LRRC4C: variants seen among roughly 807,000 people sequenced by gnomAD.
LRRC4C encodes leucine rich repeat containing 4C.
A neutral mutation model predicts 33.6 loss-of-function variants in LRRC4C; 5 were observed. The observed-to-expected ratio is 0.15, with a 90% CI of 0.08 to 0.31. The LOEUF is 0.31. Ranked by LOEUF, LRRC4C falls within the 10% of genes least tolerant of loss-of-function variation. The pLI is 1.00. For missense variants in LRRC4C, 560 were observed against 796.7 expected, an observed-to-expected ratio of 0.70 and a Z score of 3.58; for synonymous variants, 329 against 302.0, an observed-to-expected ratio of 1.09 and a Z score of -0.93.
At chr11:40,434,044 T>C (rs1287663640) in intron 3 of LRRC4C, among the ~76,000 whole-genome samples, 1 of 152,168 alleles carries the variant, frequency 6.6e-6, no homozygotes, top group African/African-American at 2.4e-5. Flanking sequence ...TTTTCTTCTT[T>C]TCTTATTTTT....
rs183404465 is a variant in LRRC4C at position 40,884,374 on chromosome 11, A to G, written c.-407+49261T>C. 3.3e-5 allele frequency among the ~76,000 whole-genome samples: 5 copies of G among 152,208 alleles called. No homozygotes were observed. The East Asian group carries it at 9.6e-4, about 29-fold the overall frequency. On this transcript the variant is annotated intron_variant, in intron 2 of 6. Transcript: ENST00000528697. ...TTGTAAATAGTGCTGCAATAAACAT[A>G]TGTGTGCATGTTTATTTGTAGTAGA...
intron 2 of LRRC4C, among the ~76,000 whole-genome samples, chr11:40,781,577 T>C (rs1028745834): frequency 6.6e-6 from 1 of 152,216 alleles, no homozygotes; most frequent in South Asian, 2.1e-4. Flanking sequence ...GTTGGCATAA[T>C]AGTTCCTTTA....
At chr11:41,125,949 C>T (rs1215779804) in intron 1 of LRRC4C, among the ~76,000 whole-genome samples, 2 of 151,796 alleles carry the variant, frequency 1.3e-5, no homozygotes, top group Admixed American at 1.3e-4. Flanking sequence ...CTTTTGTGAG[C>T]TATGTAATGG....
At chr11:40,776,945 A>G (rs1950024650) in intron 2 of LRRC4C, among the ~76,000 whole-genome samples, 1 of 152,142 alleles carries the variant, frequency 6.6e-6, no homozygotes, top group African/African-American at 2.4e-5. Flanking sequence ...CACTTATTTC[A>G]AAGAATTTTT....
intron 1 of LRRC4C, among the ~76,000 whole-genome samples, chr11:41,293,519 A>C (rs1950048855): frequency 6.6e-6 from 1 of 152,114 alleles, no homozygotes; most frequent in African/African-American, 2.4e-5. Context: ...CACTTTTTAC[A>C]ATGAGCATGT....
At chr11:40,653,806 C>T (rs1194520601) in intron 2 of LRRC4C, among the ~76,000 whole-genome samples, 2 of 152,184 alleles carry the variant, frequency 1.3e-5, no homozygotes, top group Non-Finnish European at 2.9e-5. Flanking sequence ...CAGAGGTCTT[C>T]ATGGCAGCCC....
intron 1 of LRRC4C, among the ~76,000 whole-genome samples, chr11:41,404,562 ACC>A (rs3979286): frequency 0.48 from 62,640 of 130,760 alleles, 14,192 homozygotes; most frequent in East Asian, 0.56. Flanking sequence ...ACACACACAC[ACC>A]CCCCGAGGTT....
chr11:40,574,142 G>A (rs1213162058), intron 3 of LRRC4C, among the ~76,000 whole-genome samples: 1 of 152,162 alleles, frequency 6.6e-6, no homozygotes, highest in African/African-American at 2.4e-5. Flanking sequence ...CTAGAGAAAT[G>A]TATTTCAATT....
chr11:40,231,672 T>C (rs975167149), intron 5 of LRRC4C, among the ~76,000 whole-genome samples: 2 of 152,134 alleles, frequency 1.3e-5, no homozygotes, highest in Non-Finnish European at 1.5e-5. Flanking sequence ...TATAAACAGG[T>C]TTATAGATGT....
intron 3 of LRRC4C, among the ~76,000 whole-genome samples, chr11:40,517,223 G>A (rs772105596): frequency 7.2e-5 from 11 of 152,086 alleles, no homozygotes; most frequent in Non-Finnish European, 1.3e-4. Context: ...TGTGAAATAC[G>A]GAATAACATA....
At chr11:40,138,629 C>T (rs1219471495) in intron 6 of LRRC4C, among the ~76,000 whole-genome samples, 1 of 152,206 alleles carries the variant, frequency 6.6e-6, no homozygotes, top group Non-Finnish European at 1.5e-5. Flanking sequence ...ATTCATTTTC[C>T]TTCCACATGC....
At chr11:40,258,547 C>T (rs141776619) in intron 4 of LRRC4C, among the ~76,000 whole-genome samples, 92 of 152,256 alleles carry the variant, frequency 6.0e-4, no homozygotes, top group Non-Finnish European at 1.0e-3. Context: ...TAGCAAAATG[C>T]TCCTTATAGA....
At chr11:40,835,438 C>T (rs1952626869) in intron 2 of LRRC4C, among the ~76,000 whole-genome samples, 2 of 152,174 alleles carry the variant, frequency 1.3e-5, no homozygotes, top group Non-Finnish European at 2.9e-5. Context: ...GTGGTCCATA[C>T]TCCTTTGATT....
At chr11:41,297,778 C>T (rs1950182801) in intron 1 of LRRC4C, among the ~76,000 whole-genome samples, 1 of 151,996 alleles carries the variant, frequency 6.6e-6, no homozygotes, top group African/African-American at 2.4e-5. Flanking sequence ...GTTAAGGATC[C>T]TTTTCAATAT....
intron 1 of LRRC4C, among the ~76,000 whole-genome samples, chr11:41,400,679 T>C (rs1403364452): frequency 1.3e-5 from 2 of 151,852 alleles, no homozygotes; most frequent in African/African-American, 4.8e-5. Context: ...ATACACAACA[T>C]AGAACATTCT....
intron 1 of LRRC4C, among the ~76,000 whole-genome samples, chr11:41,195,831 C>G (rs1375324968): frequency 6.6e-6 from 1 of 151,860 alleles, no homozygotes; most frequent in East Asian, 1.9e-4. Context: ...AGCATATACA[C>G]AAAATTGGAG....
intron 1 of LRRC4C, among the ~76,000 whole-genome samples, chr11:40,965,696 T>A (rs1401230015): frequency 6.6e-6 from 1 of 152,094 alleles, no homozygotes; most frequent in Non-Finnish European, 1.5e-5. Context: ...TGGCATTATT[T>A]ATGAGGGTTC....
At chr11:40,479,528 T>C (rs1169586360) in intron 3 of LRRC4C, among the ~76,000 whole-genome samples, 3 of 152,086 alleles carry the variant, frequency 2.0e-5, no homozygotes, top group East Asian at 1.9e-4. Flanking sequence ...ATTCAGATGG[T>C]ATATATGTGT....
chr11:40,367,353 T>C (rs1243141038), intron 3 of LRRC4C, among the ~76,000 whole-genome samples: 3 of 152,120 alleles, frequency 2.0e-5, no homozygotes, highest in African/African-American at 7.2e-5. Flanking sequence ...GTCTGAGGCA[T>C]TTGATGGAAA....
Sources: allele counts gnomAD v4.1 joint callset (sites outside exome capture counted in the v4.1 genomes callset), GRCh38; gene constraint gnomAD v4.1.1; transcripts MANE v1.5; gene names NCBI Gene and HGNC (gene_info 2026-07-23, HGNC 2026-07-21).